HSD3B1: variants seen among roughly 807,000 people sequenced by gnomAD.
HSD3B1 encodes hydroxy-delta-5-steroid dehydrogenase, 3 beta- and steroid delta-isomerase 1.
HSD3B1 carries 11 observed loss-of-function variants against 10.4 expected under a neutral mutation model. The observed-to-expected ratio is 1.05, with a 90% CI of 0.66 to 1.75. The LOEUF is 1.75. Ranked by LOEUF, HSD3B1 falls within the 40% of genes most tolerant of loss-of-function variation. The probability of loss-of-function intolerance (pLI) is 0.00; values close to 1 mark genes in which losing one functional copy is unlikely to be tolerated. For synonymous variants in HSD3B1, 217 were observed against 185.4 expected (o/e 1.17, Z -1.39); for missense variants, 490 against 454.5 (o/e 1.08, Z -0.71).
Position 119,514,352 on chromosome 1 carries a change from G to T in HSD3B1, c.829G>T (p.Gly277Cys), listed in dbSNP as rs377703942. The T allele has an allele frequency of 3.3e-5, 54 of 1,613,966 alleles. No homozygotes were observed. Among genetic ancestry groups the T allele is most frequent in the Non-Finnish European group, 4.3e-5 (51 of 1,180,028 alleles). ...NLNYTLSKEF[G>C]LRLDSRWSFP... ...TAATTACACCCTGAGCAAAGAGTTC[G>T]GCCTCCGCCTTGATTCCAGATGGAG... The change falls in exon 4 of 4, where the codon GGC becomes TGC. Residue 277 changes from glycine (G) to cysteine (C), a missense_variant. Transcript: ENST00000369413.
intron 2 of HSD3B1, among the ~76,000 whole-genome samples, chr1:119,508,182 G>A (rs1402600013): frequency 6.6e-6 from 1 of 151,916 alleles, no homozygotes; most frequent in Non-Finnish European, 1.5e-5. Context: ...GGGAGAGAGA[G>A]TCGGGGAGAG....
chr1:119,509,934 G>T (rs187456280), intron 2 of HSD3B1, among the ~76,000 whole-genome samples: 3 of 152,308 alleles, frequency 2.0e-5, no homozygotes, highest in Middle Eastern at 3.4e-3. Flanking sequence ...CAAGCTTGGA[G>T]GCAGGGTGGG....
At chr1:119,509,254 T>C (rs1301526677) in intron 2 of HSD3B1, among the ~76,000 whole-genome samples, 1 of 152,200 alleles carries the variant, frequency 6.6e-6, no homozygotes, top group Non-Finnish European at 1.5e-5. Context: ...CCAGACAGAC[T>C]AGTGCAGCAT....
intron 2 of HSD3B1, among the ~76,000 whole-genome samples, chr1:119,510,172 G>C (rs1653893117): frequency 6.6e-6 from 1 of 152,210 alleles, no homozygotes; most frequent in African/African-American, 2.4e-5. Flanking sequence ...CTAATTCCAG[G>C]TGACAACCTT....
Position 119,514,163 on chromosome 1 carries a change from A to G in HSD3B1, c.640A>G (p.Ser214Gly). The change falls in exon 4 of 4, where the codon AGT (serine) becomes GGT (glycine). Residue 214 changes from serine (S) to glycine (G), a missense_variant. Physicochemically the swap from Ser to Gly is moderately conservative, Grantham distance 56. Transcript: ENST00000369413. The stretch of plus-strand genomic sequence containing the variant: ...CCTGAACAACAATGGGATCCTGTCA[A>G]GTGTTGGAAAGTTCTCCACTGTTAA... ...EALNNNGILS[S>G]VGKFSTVNPV... is the part of the protein sequence containing the mutation. The G allele has an allele frequency of 1.9e-6, 3 of 1,614,068 alleles. No homozygotes were observed. The East Asian group carries it at 6.7e-5, about 36-fold the overall frequency.
At position 119,514,053 on chromosome 1, in the gene HSD3B1, G is replaced by C. The variant is rs1359192733; in HGVS notation, c.530G>C (p.Gly177Ala). 6.2e-7 allele frequency: 1 copy of C among 1,614,136 alleles called. No individual in the cohort carries two copies. The change falls in exon 4 of 4, where the codon GGC becomes GCC. Residue 177 changes from glycine (G) to alanine (A), a missense_variant. Coordinates refer to ENST00000369413, the MANE Select transcript of HSD3B1 (RefSeq NM_000862.3). Reference protein sequence around the residue: ...LAANGWNLKNGGTLYTCALRP... With the variant: ...LAANGWNLKNAGTLYTCALRP... ...GCTAACGGGTGGAATCTGAAAAACG[G>C]CGGCACCCTGTACACTTGTGCCTTA...
intron 3 of HSD3B1, among the ~76,000 whole-genome samples, chr1:119,513,280 A>G (rs1653989129): frequency 6.6e-6 from 1 of 152,136 alleles, no homozygotes; most frequent in African/African-American, 2.4e-5. Flanking sequence ...GGTCCTTGTG[A>G]CAAAGTTTTA....
intron 2 of HSD3B1, among the ~76,000 whole-genome samples, chr1:119,509,130 C>T (rs1653870340): frequency 6.6e-6 from 1 of 152,166 alleles, no homozygotes; most frequent in African/African-American, 2.4e-5. Context: ...CATAACAACC[C>T]TATGAGATCG....
At position 119,507,529 on chromosome 1, in the gene HSD3B1, G is replaced by C. The variant is rs780070084; in HGVS notation, c.53G>C (p.Arg18Thr). The stretch of plus-strand genomic sequence containing the variant: ...GGAGCAGGAGGGTTTCTGGGACAGA[G>C]GATCATCCGCCTCTTGGTGAAGGAG... ...VTGAGGFLGQ[R>T]IIRLLVKEKE... The change falls in exon 2 of 4, where the codon AGG (arginine) becomes ACG (threonine). Residue 18 changes from arginine (R) to threonine (T), a missense_variant. Transcript: ENST00000369413. 6.2e-7 allele frequency: 1 copy of C among 1,613,960 alleles called. No homozygotes were observed.
chr1:119,510,717 CTTT>C (rs962978657), intron 2 of HSD3B1, among the ~76,000 whole-genome samples: 2 of 54,168 alleles, frequency 3.7e-5, no homozygotes, highest in African/African-American at 6.9e-5. Context: ...GTGTGGTTTT[CTTT>C]TTTTTTTTTT....
chr1:119,514,819 G>T lies in HSD3B1; in HGVS notation c.*174G>T. On this transcript the variant is annotated 3_prime_UTR_variant, in exon 4 of 4. Transcript: ENST00000369413. The stretch of plus-strand genomic sequence containing the variant: ...TGTCATCAAAACCTGCGCAGTCATT[G>T]GCCCAACAAGAAGGTTTCTGTCCTA... 1.4e-6 allele frequency: 1 copy of T among 705,680 alleles called. No homozygotes were observed. The highest frequency in any genetic ancestry group is 2.4e-6 in the Non-Finnish European group (1 of 411,468). The allele number at this position is 705,680 out of a possible 1,614,324, so 43.7% of individuals were successfully genotyped here.
In HSD3B1 at chr1:119,514,755, C is replaced by A; in HGVS notation, c.*110C>A. On this transcript the variant is annotated 3_prime_UTR_variant, in exon 4 of 4. Transcript: ENST00000369413. ...AAGGGCACAAGCTCAGGTCCTGCTG[C>A]CTCCCTTTCATACAATGGCCAACTT... The A allele has an allele frequency of 1.6e-6, 2 of 1,240,278 alleles. No homozygotes were observed. The highest frequency in any genetic ancestry group is 2.3e-6 in the Non-Finnish European group (2 of 866,276). The allele number at this position is 1,240,278 out of a possible 1,614,324, so 76.8% of individuals were successfully genotyped here.
chr1:119,513,154 G>A (rs1316851813), intron 3 of HSD3B1, among the ~76,000 whole-genome samples: 1 of 152,146 alleles, frequency 6.6e-6, no homozygotes, highest in Non-Finnish European at 1.5e-5. Context: ...ACATAACCAG[G>A]TAAACAGAGT....
Position 119,514,210 on chromosome 1 carries a change from G to A in HSD3B1, c.687G>A (p.Val229=). Residue 229 remains valine, a synonymous_variant, in exon 4 of 4, where the codon GTG becomes GTA. Coordinates refer to ENST00000369413, the MANE Select transcript of HSD3B1 (RefSeq NM_000862.3). The stretch of plus-strand genomic sequence containing the variant: ...TTAACCCAGTCTATGTTGGCAATGT[G>A]GCCTGGGCCCACATTCTGGCCTTGA... The part of the protein sequence containing the change: ...STVNPVYVGN[V]AWAHILALRA... The A allele has an allele frequency of 1.2e-6, 2 of 1,614,096 alleles. No individual in the cohort carries two copies. Among genetic ancestry groups the A allele is most frequent in the Non-Finnish European group, 1.7e-6 (2 of 1,180,010 alleles).
chr1:119,508,808 C>T (rs587734159), intron 2 of HSD3B1, among the ~76,000 whole-genome samples: 1 of 152,336 alleles, frequency 6.6e-6, no homozygotes, highest in African/African-American at 2.4e-5. Context: ...GGACCACACC[C>T]AACACTCTAC....
chr1:119,511,384 CCTCCA>C (rs1653932851), intron 2 of HSD3B1, 114 bp from the exon 3 acceptor site: 1 of 894,238 alleles, frequency 1.1e-6, no homozygotes, highest in African/African-American at 1.7e-5. Context: ...GAATGTACAC[CCTCCA>C]CTCTAACACC....
intron 2 of HSD3B1, among the ~76,000 whole-genome samples, chr1:119,510,428 G>A (rs1479236224): frequency 2.0e-5 from 3 of 152,150 alleles, no homozygotes; most frequent in African/African-American, 7.2e-5. Context: ...CTGTAGGGGT[G>A]ATTTTATCTT....
At chr1:119,511,387 C>G (rs950272813) in intron 2 of HSD3B1, 116 bp from the exon 3 acceptor site, 3 of 925,806 alleles carry the variant, frequency 3.2e-6, no homozygotes. Context: ...TGTACACCCT[C>G]CACTCTAACA....
intron 2 of HSD3B1, among the ~76,000 whole-genome samples, chr1:119,510,540 T>C (rs587750141): frequency 2.6e-5 from 4 of 152,054 alleles, no homozygotes; most frequent in African/African-American, 9.6e-5. Context: ...CTTCCACTGC[T>C]GGACCCTGCT....
Sources: allele counts gnomAD v4.1 joint callset (sites outside exome capture counted in the v4.1 genomes callset), GRCh38; gene constraint gnomAD v4.1.1; transcripts MANE v1.5; gene names NCBI Gene and HGNC (gene_info 2026-07-23, HGNC 2026-07-21).